Variants in ANKS3 observed in about 807,000 individuals in gnomAD.
The protein encoded by ANKS3 is ankyrin repeat and SAM domain-containing protein 3.
ANKS3 carries 62 observed loss-of-function variants against 80.7 expected under a neutral mutation model. That is an observed-to-expected ratio of 0.77 (90% CI 0.63 to 0.95). The LOEUF (loss-of-function observed/expected upper bound fraction) is 0.95. Among genes scored for constraint, ANKS3 ranks in the 40% least tolerant of loss-of-function variants. The probability of loss-of-function intolerance (pLI) is 0.00; values close to 1 mark genes in which losing one functional copy is unlikely to be tolerated. For missense variants in ANKS3, 1,150 were observed against 883.6 expected (o/e 1.30, Z -3.82); for synonymous variants, 489 against 355.3 (o/e 1.38, Z -4.23).
chr16:4,701,798 C>G (rs1002233141), intron 9 of ANKS3: 23 of 503,664 alleles, frequency 4.6e-5, no homozygotes, highest in African/African-American at 3.7e-4. Flanking sequence ...ATGGAAACAG[C>G]TGCTGCACGG....
At chr16:4,697,234 G>A in intron 16 of ANKS3, 99 bp downstream of exon 16, 5 of 1,539,600 alleles carry the variant, frequency 3.2e-6, no homozygotes, top group Non-Finnish European at 4.5e-6. Flanking sequence ...GGTCAGCCTT[G>A]GGGTAGAGAG....
Position 4,698,572 on chromosome 16 carries a change from C to A in ANKS3, c.1579G>T (p.Gly527Cys), listed in dbSNP as rs1304954765. 3.2e-6 allele frequency: 5 copies of A among 1,576,744 alleles called. No homozygotes were observed. Among genetic ancestry groups the A allele is most frequent in the Non-Finnish European group, 4.3e-6 (5 of 1,168,870 alleles). ...AGCTCCTGCTCCTGACACACCTGGC[C>A]CCGCGTGGCCTCTACCTCCTCGCAG... ...KRCEEVEATR[G>C]QVCQEQELRA... Residue 527 changes from glycine to cysteine, a missense_variant, in exon 14 of 18, where the codon GGC (glycine) becomes TGC (cysteine). Physicochemically the swap from Gly to Cys is radical, Grantham distance 159. Transcript: ENST00000304283.
At chr16:4,708,120 A>T (rs1008760129) in intron 7 of ANKS3, among the ~76,000 whole-genome samples, 2 of 148,900 alleles carry the variant, frequency 1.3e-5, no homozygotes, top group Non-Finnish European at 3.0e-5. Context: ...ATCTGAAAAA[A>T]ATATATATAT....
At chr16:4,713,107 T>C (rs952323387) in intron 7 of ANKS3, among the ~76,000 whole-genome samples, 3 of 152,004 alleles carry the variant, frequency 2.0e-5, no homozygotes, top group African/African-American at 7.3e-5. Context: ...CCATCTCTAC[T>C]GAAAATACAA....
intron 3 of ANKS3, 106 bp downstream of exon 3, chr16:4,729,874 T>C: frequency 2.6e-6 from 3 of 1,155,436 alleles, no homozygotes; most frequent in East Asian, 2.8e-5. Context: ...TAACCTATTC[T>C]ACACGCATTA....
At chr16:4,704,245 C>T (rs920645003) in intron 8 of ANKS3, among the ~76,000 whole-genome samples, 2 of 152,168 alleles carry the variant, frequency 1.3e-5, no homozygotes, top group Admixed American at 6.5e-5. Context: ...TCTGCTTGTT[C>T]CTGGGGTCTA....
chr16:4,720,895 C>A (rs937849137), intron 6 of ANKS3, among the ~76,000 whole-genome samples: 1 of 150,048 alleles, frequency 6.7e-6, no homozygotes, highest in Admixed American at 6.7e-5. Flanking sequence ...CGAGATTGCG[C>A]CACTGCACTC....
intron 2 of ANKS3, among the ~76,000 whole-genome samples, chr16:4,731,107 C>T (rs894564005): frequency 5.3e-5 from 8 of 152,142 alleles, no homozygotes; most frequent in Admixed American, 2.0e-4. Context: ...AGCCTGCCTA[C>T]AGTATAATTT....
At chr16:4,711,527 C>G (rs1025286408) in intron 7 of ANKS3, among the ~76,000 whole-genome samples, 1 of 151,326 alleles carries the variant, frequency 6.6e-6, no homozygotes, top group Non-Finnish European at 1.5e-5. Flanking sequence ...GAGACCAGCC[C>G]GGCCAACATG....
At chr16:4,711,516 T>C (rs2142077591) in intron 7 of ANKS3, among the ~76,000 whole-genome samples, 1 of 151,604 alleles carries the variant, frequency 6.6e-6, no homozygotes, top group South Asian at 2.1e-4. Context: ...GTCGGGAGTT[T>C]GAGACCAGCC....
At chr16:4,714,422 C>G in intron 6 of ANKS3, 1 of 574,304 alleles carries the variant, frequency 1.7e-6, no homozygotes, top group Non-Finnish European at 3.0e-6. Context: ...GGAGTCATCT[C>G]CCACGCTCAT....
At chr16:4,730,723 T>C (rs2081571103) in intron 2 of ANKS3, among the ~76,000 whole-genome samples, 1 of 151,916 alleles carries the variant, frequency 6.6e-6, no homozygotes, top group Admixed American at 6.6e-5. Context: ...AAAAATTAGC[T>C]GGGCATGAAG....
intron 7 of ANKS3, among the ~76,000 whole-genome samples, chr16:4,710,602 G>C (rs149901440): frequency 6.6e-6 from 1 of 152,160 alleles, no homozygotes; most frequent in South Asian, 2.1e-4. Flanking sequence ...CTAGCTACTC[G>C]TAGAGCTGAG....
intron 15 of ANKS3, 30 bp downstream of exon 15, chr16:4,697,947 C>G: frequency 3.3e-6 from 5 of 1,527,482 alleles, no homozygotes; most frequent in Non-Finnish European, 2.6e-6. Flanking sequence ...TTCCCCTCTG[C>G]CCAGTGCGGA....
At chr16:4,725,895 T>C (rs1033539490) in intron 5 of ANKS3, among the ~76,000 whole-genome samples, 9 of 151,798 alleles carry the variant, frequency 5.9e-5, no homozygotes, top group Non-Finnish European at 1.3e-4. Context: ...CCTGACCTCA[T>C]GATCTGCCCG....
rs766279964 is a variant in ANKS3 at position 4,698,847 on chromosome 16, C to A, written c.1504G>T (p.Asp502Tyr). Residue 502 changes from aspartate to tyrosine, a missense_variant, in exon 13 of 18, where the codon GAC (aspartate) becomes TAC (tyrosine). By Grantham distance (160) the Asp-to-Tyr change is radical. Transcript: ENST00000304283. Reference protein sequence around the residue: ...PGDALELAYADRLEAEMQELA... With the variant: ...PGDALELAYAYRLEAEMQELA... Reference sequence around the variant, plus strand: ...TCCTGCATCTCAGCCTCCAGCCGGTCGGCGTAGGCCAGCTCCAGGGCATCC... The same window carrying A: ...TCCTGCATCTCAGCCTCCAGCCGGTAGGCGTAGGCCAGCTCCAGGGCATCC... 1.2e-5 allele frequency: 19 copies of A among 1,605,862 alleles called. No homozygotes were observed. Among genetic ancestry groups the A allele is most frequent in the Admixed American group, 1.7e-5 (1 of 59,370 alleles).
At position 4,697,415 on chromosome 16, in the gene ANKS3, G is replaced by C. The variant is rs761517671; in HGVS notation, c.1812C>G (p.Asp604Glu). The C allele has an allele frequency of 1.2e-6, 2 of 1,603,450 alleles. No homozygotes were observed. The highest frequency in any genetic ancestry group is 2.7e-5 in the African/African-American group (2 of 74,660). Residue 604 changes from aspartate (D) to glutamate (E), a missense_variant and splice_region_variant, in exon 16 of 18, where the codon GAC becomes GAG. Transcript: ENST00000304283. ...GCAGGGACGCTTGCCAGCCCTTGGA[G>C]TCTGTGGTGCAGGTGCAGGGACCGA... ...ATLGLAVPPA[D>E]SKGWQASLQA...
At chr16:4,715,453 G>A (rs574447675) in intron 6 of ANKS3, among the ~76,000 whole-genome samples, 8 of 152,264 alleles carry the variant, frequency 5.3e-5, no homozygotes, top group Admixed American at 1.3e-4. Flanking sequence ...AAAATTAGCA[G>A]GGTGTGGCGG....
chr16:4,725,972 T>C (rs1189194118), intron 5 of ANKS3, among the ~76,000 whole-genome samples: 5 of 83,672 alleles, frequency 6.0e-5, no homozygotes, highest in African/African-American at 1.8e-4. Flanking sequence ...CTCATGACTG[T>C]TGTTTTTGTT....
Sources: gnomAD v4.1 joint callset for allele counts (sites outside exome capture counted in the v4.1 genomes callset) on GRCh38, gnomAD v4.1.1 for gene constraint, MANE v1.5 for transcripts, NCBI Gene and HGNC (gene_info 2026-07-23, HGNC 2026-07-21) for gene names.